The following GPATCH2 variants were observed in gnomAD, a reference collection of about 807,000 sequenced individuals.
The protein encoded by GPATCH2 is G patch domain-containing protein 2.
A neutral mutation model predicts 58.0 loss-of-function variants in GPATCH2; 51 were observed. The ratio of observed to expected loss-of-function variants is 0.88; its 90% confidence interval spans 0.70 to 1.11. The LOEUF is 1.11. Ranked by LOEUF, GPATCH2 falls within the 50% of genes most tolerant of loss-of-function variation. GPATCH2 has a pLI of 0.00. For missense variants in GPATCH2, 625 were observed against 652.2 expected (o/e 0.96, Z 0.45); for synonymous variants, 222 against 218.5 (o/e 1.02, Z -0.14).
intron 8 of GPATCH2, among the ~76,000 whole-genome samples, chr1:217,478,506 A>G (rs1271427832): frequency 3.3e-5 from 5 of 152,230 alleles, no homozygotes; most frequent in Non-Finnish European, 5.9e-5. Flanking sequence ...TGAAGAAAGG[A>G]TCAGTCTTTA....
chr1:217,517,881 G>A (rs1229645256), intron 5 of GPATCH2, among the ~76,000 whole-genome samples: 1 of 151,942 alleles, frequency 6.6e-6, no homozygotes, highest in East Asian at 1.9e-4. Context: ...GATTAGACAG[G>A]AAACAGGTAT....
intron 6 of GPATCH2, among the ~76,000 whole-genome samples, chr1:217,514,087 A>C (rs1662998819): frequency 6.6e-6 from 1 of 151,770 alleles, no homozygotes; most frequent in African/African-American, 2.4e-5. Flanking sequence ...TTGGCCTCCC[A>C]AAGTGCTGGG....
chr1:217,537,914 T>C (rs1664553872), intron 5 of GPATCH2, among the ~76,000 whole-genome samples: 1 of 152,298 alleles, frequency 6.6e-6, no homozygotes, highest in East Asian at 1.9e-4. Context: ...ACTATACATA[T>C]TTATTTCTTT....
chr1:217,447,626 C>T (rs909451146), intron 9 of GPATCH2, among the ~76,000 whole-genome samples: 1 of 152,230 alleles, frequency 6.6e-6, no homozygotes, highest in Non-Finnish European at 1.5e-5. Flanking sequence ...ACGCACTCTA[C>T]ACACAGGTGT....
chr1:217,609,311 C>A, intron 5 of GPATCH2: 1 of 985,276 alleles, frequency 1.0e-6, no homozygotes, highest in Middle Eastern at 5.2e-4. Context: ...CACTTTTAAA[C>A]ATGACAATAT....
intron 5 of GPATCH2, among the ~76,000 whole-genome samples, chr1:217,532,889 T>G (rs1180742376): frequency 8.4e-5 from 7 of 83,774 alleles, no homozygotes; most frequent in African/African-American, 2.7e-4. Context: ...TTTTTTTGTT[T>G]TTTTTTTTTT....
intron 3 of GPATCH2, among the ~76,000 whole-genome samples, chr1:217,613,358 T>TA (rs1668726260): frequency 6.6e-6 from 1 of 152,142 alleles, no homozygotes; most frequent in Non-Finnish European, 1.5e-5. Flanking sequence ...CATCATTAAC[T>TA]AAATTTATAA....
At chr1:217,541,954 T>C (rs979631297) in intron 5 of GPATCH2, among the ~76,000 whole-genome samples, 5 of 152,134 alleles carry the variant, frequency 3.3e-5, no homozygotes, top group African/African-American at 1.2e-4. Flanking sequence ...GAAGTAGAGT[T>C]TTTTTTATAG....
At position 217,619,394 on chromosome 1, in the gene GPATCH2, G is replaced by A. The variant is rs534666893; in HGVS notation, c.773+389C>T. Among the ~76,000 whole-genome samples the A allele has an allele frequency of 3.2e-4, 49 of 152,248 alleles. 1 individual carries two copies. Among genetic ancestry groups the A allele is most frequent in the African/African-American group, 1.0e-3 (42 of 41,558 alleles). Reference sequence around the variant, plus strand: ...TAAACTTTTGATGTTCAAGAATCAGGATAGATTAATGAATTGTGACACTCT... The same window carrying A: ...TAAACTTTTGATGTTCAAGAATCAGAATAGATTAATGAATTGTGACACTCT... On this transcript the variant is annotated intron_variant, in intron 2 of 9. Transcript: ENST00000366935.
chr1:217,568,639 A>C (rs900393555), intron 5 of GPATCH2, among the ~76,000 whole-genome samples: 10 of 152,224 alleles, frequency 6.6e-5, no homozygotes, highest in African/African-American at 2.4e-4. Context: ...GCATGCAGGC[A>C]AGACTGCAAG....
At chr1:217,482,577 G>A (rs1166217753) in intron 8 of GPATCH2, among the ~76,000 whole-genome samples, 1 of 152,104 alleles carries the variant, frequency 6.6e-6, no homozygotes, top group African/African-American at 2.4e-5. Context: ...GTTGAAGTGG[G>A]AGGAGATGAG....
At chr1:217,515,751 A>G (rs1227305388) in intron 5 of GPATCH2, among the ~76,000 whole-genome samples, 3 of 151,424 alleles carry the variant, frequency 2.0e-5, no homozygotes, top group Non-Finnish European at 4.4e-5. Context: ...ACTCTTTATA[A>G]TAGTGTAAAT....
At chr1:217,482,967 A>G (rs1313313991) in intron 8 of GPATCH2, among the ~76,000 whole-genome samples, 1 of 152,182 alleles carries the variant, frequency 6.6e-6, no homozygotes, top group African/African-American at 2.4e-5. Flanking sequence ...ACTATGTAGT[A>G]GTTTATGTTT....
At chr1:217,482,663 T>C (rs568049318) in intron 8 of GPATCH2, among the ~76,000 whole-genome samples, 254 of 152,286 alleles carry the variant, frequency 1.7e-3, no homozygotes, top group Non-Finnish European at 2.7e-3. Flanking sequence ...CTTCAGTTTT[T>C]ACTTGGAATG....
At chr1:217,454,583 T>TA (rs372811004) in intron 8 of GPATCH2, among the ~76,000 whole-genome samples, 1 of 91,134 alleles carries the variant, frequency 1.1e-5, no homozygotes, top group Non-Finnish European at 2.2e-5. Context: ...AGCGAGACTC[T>TA]GTCTCAAAAA....
At chr1:217,443,215 C>A (rs1659229459) in intron 9 of GPATCH2, among the ~76,000 whole-genome samples, 1 of 152,136 alleles carries the variant, frequency 6.6e-6, no homozygotes, top group Non-Finnish European at 1.5e-5. Flanking sequence ...ATTCTGTTTT[C>A]TTCTACAAGA....
At chr1:217,450,120 A>G (rs1659591545) in intron 8 of GPATCH2, among the ~76,000 whole-genome samples, 1 of 152,164 alleles carries the variant, frequency 6.6e-6, no homozygotes, top group Non-Finnish European at 1.5e-5. Context: ...GAAAGCATTT[A>G]AAGTCTTCAA....
intron 5 of GPATCH2, among the ~76,000 whole-genome samples, chr1:217,605,100 C>T (rs142760006): frequency 1.9e-4 from 29 of 152,284 alleles, no homozygotes; most frequent in African/African-American, 6.5e-4. Context: ...TATTCCTACT[C>T]TAGTTTCCTA....
intron 8 of GPATCH2, among the ~76,000 whole-genome samples, chr1:217,464,521 T>G (rs1018861264): frequency 1.3e-5 from 2 of 152,218 alleles, no homozygotes. Context: ...GTAATAGTTC[T>G]GTGGTGTTGA....
Sources: allele counts gnomAD v4.1 joint callset (sites outside exome capture counted in the v4.1 genomes callset), GRCh38; gene constraint gnomAD v4.1.1; transcripts MANE v1.5; gene names NCBI Gene and HGNC (gene_info 2026-07-23, HGNC 2026-07-21).